The following NCL variants were observed in gnomAD, a reference collection of about 807,000 sequenced individuals.
NCL encodes nucleolin multifunctional protein.
Under a neutral mutation model 77.7 loss-of-function variants are expected in NCL, and 4 were observed. That is an observed-to-expected ratio of 0.05 (90% CI 0.03 to 0.12). The LOEUF (loss-of-function observed/expected upper bound fraction) is 0.12, where lower values mean the gene tolerates loss of function less well. Ranked by LOEUF, NCL falls within the 10% of genes least tolerant of loss-of-function variation. The pLI is 1.00. For synonymous variants in NCL, 344 were observed against 297.8 expected, an observed-to-expected ratio of 1.16 and a Z score of -1.60; for missense variants, 763 against 860.9, an observed-to-expected ratio of 0.89 and a Z score of 1.42.
At chr2:231,462,589 G>A (rs773738203) in intron 2 of NCL, 7 of 512,828 alleles carry the variant, frequency 1.4e-5, no homozygotes, top group East Asian at 5.5e-5. Context: ...TTAAAATCCC[G>A]TAGTTTTATC....
At chr2:231,455,376 G>A in intron 13 of NCL, 25 bp downstream of exon 13, 2 of 1,613,598 alleles carry the variant, frequency 1.2e-6, no homozygotes, top group African/African-American at 2.7e-5. Context: ...ATGCTATGTG[G>A]TGTCATTATC....
Position 231,461,736 on chromosome 2 carries a change from A to G in NCL, c.417T>C (p.Asn139=), listed in dbSNP as rs780017657. ...IPAKGAKNGK[N]AKKEDSDEEE... is the part of the protein sequence containing the mutation. Reference sequence around the variant, plus strand: ...CTTCATCACTGTCTTCCTTCTTGGCATTCTTGCCATTCTTTGCCCCCTTGG... The same window carrying G: ...CTTCATCACTGTCTTCCTTCTTGGCGTTCTTGCCATTCTTTGCCCCCTTGG... The change falls in exon 3 of 14, where the codon AAT becomes AAC. Residue 139 remains asparagine (N), a synonymous_variant. Transcript: ENST00000322723. 6.2e-7 allele frequency: 1 copy of G among 1,614,068 alleles called. No individual in the cohort carries two copies. The highest frequency in any genetic ancestry group is 1.1e-5 in the South Asian group (1 of 91,084).
Position 231,460,522 on chromosome 2 carries a change from G to A in NCL, c.854C>T (p.Ala285Val), listed in dbSNP as rs746763026. The A allele has an allele frequency of 6.2e-7, 1 of 1,614,098 alleles. No homozygotes were observed. Residue 285 changes from alanine to valine, a missense_variant, in exon 5 of 14, where the codon GCC (alanine) becomes GTC (valine). By Grantham distance (64) the Ala-to-Val change is moderately conservative. This residue lies in a region of NCL where 590 missense variants were observed against 570.5 expected (regional missense o/e 1.03). Transcript: ENST00000322723. ...GGCTTCAGGAGCTGCTTTCTGTTTG[G>A]CCATTTCCTTCTTTCGTTTTCCAGG... ...EAPGKRKKEM[A>V]KQKAAPEAKK...
chr2:231,457,496 G>C, intron 9 of NCL, 147 bp downstream of exon 9: 1 of 853,816 alleles, frequency 1.2e-6, no homozygotes, highest in Non-Finnish European at 1.9e-6. Flanking sequence ...TTCCAAATAA[G>C]AGTATGACTT....
At position 231,456,462 on chromosome 2, in the gene NCL, A is replaced by G. The variant is rs539762205; in HGVS notation, c.1705+169T>C. On this transcript the variant is annotated intron_variant, in intron 11 of 13. Coordinates refer to ENST00000322723, the MANE Select transcript of NCL (RefSeq NM_005381.3). ...GACACAGCTGGATCAGAACTTGACTATCTAGAGGAATTTTCTTGAGATTTC... is the reference window on the plus strand; with the variant it reads ...GACACAGCTGGATCAGAACTTGACTGTCTAGAGGAATTTTCTTGAGATTTC... The G allele has an allele frequency of 9.8e-6, 12 of 1,222,066 alleles. No homozygotes were observed. The African/African-American group carries it at 1.3e-4, about 14-fold the overall frequency. 75.7% of individuals were successfully genotyped at this position (1,222,066 alleles called of 1,614,324 possible). A position where few individuals can be genotyped will look rare whatever the true frequency, so the allele number is the denominator to read the frequency against.
Position 231,462,926 on chromosome 2 carries a change from C to T in NCL, c.135+274G>A, listed in dbSNP as rs1559543078. 2.3e-5 allele frequency: 9 copies of T among 390,102 alleles called. No homozygotes were observed. The South Asian group carries it at 2.4e-4, about 10-fold the overall frequency. 24.2% of individuals were successfully genotyped at this position (390,102 alleles called of 1,614,324 possible). On this transcript the variant is annotated intron_variant, in intron 2 of 13. Transcript: ENST00000322723. ...TGGGGGTGAGGCTAACATGTTGAAA[C>T]TGGAAAAATGTAATGATTTAACACA...
chr2:231,458,981 T>C lies in NCL; in HGVS notation c.1165+20A>G. Reference sequence around the variant, plus strand: ...TCTAGCTCCTGAGTTCATTGCATAATCTCATAAAGCCTTACATACCTTTCT... The same window carrying C: ...TCTAGCTCCTGAGTTCATTGCATAACCTCATAAAGCCTTACATACCTTTCT... On this transcript the variant is annotated intron_variant, in intron 7 of 13. Transcript: ENST00000322723. The C allele has an allele frequency of 6.5e-7, 1 of 1,544,446 alleles. No individual in the cohort carries two copies. The highest frequency in any genetic ancestry group is 8.7e-7 in the Non-Finnish European group (1 of 1,150,852).
chr2:231,458,853 G>T (rs2046918911), intron 7 of NCL, 148 bp downstream of exon 7: 1 of 860,710 alleles, frequency 1.2e-6, no homozygotes, highest in Non-Finnish European at 1.7e-6. Context: ...AAACACTGTA[G>T]CTCATTTAAT....
Position 231,460,736 on chromosome 2 carries a change from GTCGTCATCC to G in NCL, c.735_743del (p.Glu245_Asp247del), listed in dbSNP as rs1559542095. The G allele has an allele frequency of 6.2e-7, 1 of 1,611,310 alleles. No homozygotes were observed. On this transcript the variant is annotated inframe_deletion, in exon 4 of 14. Transcript: ENST00000322723. ...CATCATCTTCATCATCTTCGTCGTCGTCGTCATCCTCGTCCTCATCATCCTCTTCTTCAT... is the reference window on the plus strand; with the variant it reads ...CATCATCTTCATCATCTTCGTCGTCGTCGTCCTCATCATCCTCTTCTTCAT...
chr2:231,455,055 G>C lies in NCL; in HGVS notation c.*136C>G. 2 of 926,200 alleles carry C rather than the reference G, an allele frequency of 2.2e-6. No individual in the cohort carries two copies. Among genetic ancestry groups the C allele is most frequent in the Non-Finnish European group, 1.7e-6 (1 of 597,666 alleles). The allele number at this position is 926,200 out of a possible 1,614,324, so 57.4% of individuals were successfully genotyped here. On this transcript the variant is annotated 3_prime_UTR_variant, in exon 14 of 14. Transcript: ENST00000322723. ...GGTATTGCCCTTGAAATGTTAACTA[G>C]ACGGATTTCCAAGGAGACCACAGGA...
Position 231,455,392 on chromosome 2 carries a change from G to A in NCL, c.2056+9C>T, listed in dbSNP as rs201553228. ...TGCTATGTGGTGTCATTATCTCTGC[G>A]TGCCTTACCTCCAAAGCCTCCCCGG... On this transcript the variant is annotated intron_variant, in intron 13 of 13. Coordinates refer to ENST00000322723, the MANE Select transcript of NCL (RefSeq NM_005381.3). The A allele has an allele frequency of 3.1e-5, 50 of 1,613,690 alleles. No homozygotes were observed. Among genetic ancestry groups the A allele is most frequent in the Non-Finnish European group, 3.6e-5 (43 of 1,179,992 alleles).
chr2:231,458,206 T>C, intron 8 of NCL, 60 bp downstream of exon 8: 1 of 1,572,962 alleles, frequency 6.4e-7, no homozygotes, highest in East Asian at 2.2e-5. Context: ...ATTTCTTTTA[T>C]AAAGCAGGAA....
At chr2:231,463,167 AAC>A in intron 2 of NCL, 31 bp downstream of exon 2, 1 of 1,458,170 alleles carries the variant, frequency 6.9e-7, no homozygotes, top group South Asian at 1.2e-5. Context: ...TTGTAGTTTT[AAC>A]ATAATTCTGC....
intron 2 of NCL, chr2:231,462,948 CACA>C: frequency 2.3e-6 from 1 of 443,018 alleles, no homozygotes; most frequent in Non-Finnish European, 4.1e-6. Context: ...AATGATTTAA[CACA>C]ACAAATCACA....
chr2:231,457,707 C>G lies in NCL; in HGVS notation c.1383G>C (p.Leu461=), dbSNP rs375846792. 69 of 1,612,900 alleles carry G rather than the reference C, an allele frequency of 4.3e-5. No homozygotes were observed. The highest frequency in any genetic ancestry group is 5.5e-5 in the Non-Finnish European group (65 of 1,179,272). The change falls in exon 9 of 14, where the codon CTG becomes CTC. Residue 461 remains leucine, a synonymous_variant. Transcript: ENST00000322723. ...GTEIDGRSIS[L]YYTGEKGQNQ... ...TTTGACCTTTCTCTCCAGTATAGTACAGGGAAATAGATCGCCCATCGATCT... is the reference window on the plus strand; with the variant it reads ...TTTGACCTTTCTCTCCAGTATAGTAGAGGGAAATAGATCGCCCATCGATCT...
intron 7 of NCL, 23 bp downstream of exon 7, chr2:231,458,978 T>A: frequency 6.5e-7 from 1 of 1,542,958 alleles, no homozygotes; most frequent in South Asian, 1.3e-5. Flanking sequence ...GTTCATTGCA[T>A]AATCTCATAA....
At chr2:231,459,496 T>G (rs2046925606) in intron 6 of NCL, among the ~76,000 whole-genome samples, 1 of 152,016 alleles carries the variant, frequency 6.6e-6, no homozygotes, top group South Asian at 2.1e-4. Context: ...AAAATAAACA[T>G]TATTTTAAAT....
rs368541623 is a variant in NCL, at chr2:231,458,215, A to G, written c.1289+51T>C. ...ACCAATATTTCTTTTATAAAGCAGG[A>G]AAGTGCATTAATGTTAATAAAACCC... On this transcript the variant is annotated intron_variant, in intron 8 of 13. Transcript: ENST00000322723. 6 of 1,583,448 alleles carry G rather than the reference A, an allele frequency of 3.8e-6. No individual in the cohort carries two copies. In the South Asian group the frequency reaches 5.8e-5, roughly 15 times the overall value.
In NCL at chr2:231,454,045, T is replaced by C. The variant is rs1296936916; in HGVS notation, c.*1146A>G. ...GACCAGAAAGAATAAGCAATATACG[T>C]AGTGCAGAACAAATGGCTTTTTGGG... On this transcript the variant is annotated 3_prime_UTR_variant, in exon 14 of 14. Transcript: ENST00000322723. 1 of 149,384 alleles carries C rather than the reference T, an allele frequency of 6.7e-6. No individual in the cohort carries two copies. Among genetic ancestry groups the C allele is most frequent in the Non-Finnish European group, 1.5e-5 (1 of 67,082 alleles). 9.3% of individuals were successfully genotyped at this position (149,384 alleles called of 1,614,324 possible).
Sources: gnomAD v4.1 joint callset for allele counts (sites outside exome capture counted in the v4.1 genomes callset) on GRCh38, gnomAD v4.1.1 for gene constraint, gnomAD v4.1.1 regional missense constraint, MANE v1.5 for transcripts, NCBI Gene and HGNC (gene_info 2026-07-23, HGNC 2026-07-21) for gene names.